Variants in TBL1XR1 observed in about 807,000 individuals in gnomAD.
TBL1XR1 encodes the protein TBL1X/Y related 1.
In TBL1XR1, 5 loss-of-function variants were observed where a neutral mutation model predicts 66.9. The ratio of observed to expected loss-of-function variants is 0.07; its 90% CI spans 0.04 to 0.16. The LOEUF (loss-of-function observed/expected upper bound fraction) is 0.16, where lower values mean the gene tolerates loss of function less well. Among genes scored for constraint, TBL1XR1 ranks in the 10% least tolerant of loss-of-function variants. TBL1XR1 has a pLI of 1.00. For missense variants in TBL1XR1, 238 were observed against 623.2 expected (o/e 0.38, Z 6.58); for synonymous variants, 210 against 206.0 (o/e 1.02, Z -0.17).
intron 2 of TBL1XR1, among the ~76,000 whole-genome samples, chr3:177,092,965 G>C (rs1019487824): frequency 2.6e-5 from 4 of 152,086 alleles, no homozygotes; most frequent in Admixed American, 6.5e-5. Flanking sequence ...GTCCTAGCCA[G>C]AGCAATCAGA....
At chr3:177,121,852 T>TAA (rs944221704) in intron 1 of TBL1XR1, among the ~76,000 whole-genome samples, 1 of 147,740 alleles carries the variant, frequency 6.8e-6, no homozygotes, top group Admixed American at 6.7e-5. Flanking sequence ...GCTAAAGATT[T>TAA]AAAAAAAAAA....
chr3:177,032,430 C>G (rs1714132399), intron 14 of TBL1XR1: 1 of 152,158 alleles, frequency 6.6e-6, no homozygotes, highest in Non-Finnish European at 1.5e-5. Context: ...AGTTCAGTGA[C>G]TGCTATTAAA....
intron 2 of TBL1XR1, among the ~76,000 whole-genome samples, chr3:177,083,553 CT>C (rs1721710966): frequency 6.6e-6 from 1 of 152,138 alleles, no homozygotes; most frequent in Admixed American, 6.5e-5. Flanking sequence ...AGGAATCTGA[CT>C]TCGAGAAATA....
intron 2 of TBL1XR1, among the ~76,000 whole-genome samples, chr3:177,069,193 T>C (rs1364083616): frequency 6.6e-6 from 1 of 152,148 alleles, no homozygotes; most frequent in Admixed American, 6.5e-5. Context: ...GAGTTGTATA[T>C]AGGAACCTTG....
intron 1 of TBL1XR1, among the ~76,000 whole-genome samples, chr3:177,128,650 A>G (rs968905660): frequency 6.6e-6 from 1 of 152,184 alleles, no homozygotes; most frequent in Non-Finnish European, 1.5e-5. Context: ...CTGGGATTAC[A>G]GGCGTGAGCC....
intron 1 of TBL1XR1, among the ~76,000 whole-genome samples, chr3:177,159,845 T>A (rs935860105): frequency 6.6e-6 from 1 of 152,218 alleles, no homozygotes; most frequent in Admixed American, 6.5e-5. Flanking sequence ...TAGTTTTGCA[T>A]CTTCATAAGG....
intron 1 of TBL1XR1, among the ~76,000 whole-genome samples, chr3:177,182,664 AG>A (rs1734969017): frequency 6.6e-6 from 1 of 152,180 alleles, no homozygotes; most frequent in African/African-American, 2.4e-5. Flanking sequence ...TAGTGAGATG[AG>A]GCAACAAATA....
At chr3:177,090,268 A>T (rs563909040) in intron 2 of TBL1XR1, among the ~76,000 whole-genome samples, 5 of 152,272 alleles carry the variant, frequency 3.3e-5, no homozygotes, top group Non-Finnish European at 7.3e-5. Context: ...TTGGTTACTT[A>T]CAAAAGGAGG....
At chr3:177,143,546 C>T (rs992018849) in intron 1 of TBL1XR1, among the ~76,000 whole-genome samples, 1 of 152,080 alleles carries the variant, frequency 6.6e-6, no homozygotes, top group African/African-American at 2.4e-5. Context: ...ATCAGCTAAC[C>T]TTTGAAATTA....
intron 1 of TBL1XR1, among the ~76,000 whole-genome samples, chr3:177,179,303 T>C (rs969653558): frequency 2.6e-5 from 4 of 152,132 alleles, no homozygotes; most frequent in Non-Finnish European, 4.4e-5. Context: ...GCTCGACTAT[T>C]GTTACCTGAT....
intron 1 of TBL1XR1, among the ~76,000 whole-genome samples, chr3:177,136,064 G>A (rs931345321): frequency 1.3e-5 from 2 of 151,988 alleles, no homozygotes; most frequent in Non-Finnish European, 2.9e-5. Context: ...CAAACTGCAG[G>A]TCACAATCAG....
chr3:177,183,471 A>G (rs1374704581), intron 1 of TBL1XR1, among the ~76,000 whole-genome samples: 1 of 152,200 alleles, frequency 6.6e-6, no homozygotes, highest in Non-Finnish European at 1.5e-5. Flanking sequence ...GTTGTCAACC[A>G]GAGCAGTGTT....
intron 1 of TBL1XR1, chr3:177,171,420 G>A (rs1380526969): frequency 6.6e-6 from 1 of 152,146 alleles, no homozygotes; most frequent in East Asian, 1.9e-4. Flanking sequence ...TGTTGGCCGG[G>A]CGCACTGGCT....
chr3:177,139,064 A>C (rs1467992610), intron 1 of TBL1XR1, among the ~76,000 whole-genome samples: 1 of 152,230 alleles, frequency 6.6e-6, no homozygotes, highest in Non-Finnish European at 1.5e-5. Context: ...CCAAAACCTA[A>C]TAGTATAAAA....
intron 1 of TBL1XR1, among the ~76,000 whole-genome samples, chr3:177,173,724 T>C (rs1733832997): frequency 6.6e-6 from 1 of 152,224 alleles, no homozygotes; most frequent in Admixed American, 6.5e-5. Context: ...ACCTATAGTT[T>C]AGTATTATAC....
intron 1 of TBL1XR1, among the ~76,000 whole-genome samples, chr3:177,101,003 G>A (rs12493303): frequency 0.064 from 9,660 of 152,050 alleles, 410 homozygotes; most frequent in South Asian, 0.17. Flanking sequence ...CTACCGGCAC[G>A]CGCCACTACA....
intron 2 of TBL1XR1, among the ~76,000 whole-genome samples, chr3:177,090,761 AG>A (rs1180948195): frequency 6.6e-6 from 1 of 152,166 alleles, no homozygotes; most frequent in Admixed American, 6.5e-5. Context: ...CAGTGAGCCA[AG>A]ATCACGCCAC....
chr3:177,031,788 A>T (rs961449075), intron 14 of TBL1XR1, among the ~76,000 whole-genome samples: 2 of 151,316 alleles, frequency 1.3e-5, no homozygotes, highest in Non-Finnish European at 3.0e-5. Flanking sequence ...AATAAATATT[A>T]AAAAATTTTA....
At chr3:177,149,258 A>G (rs1240715935) in intron 1 of TBL1XR1, among the ~76,000 whole-genome samples, 1 of 152,062 alleles carries the variant, frequency 6.6e-6, no homozygotes, top group Non-Finnish European at 1.5e-5. Context: ...AGTGTTCAGT[A>G]TCCCTGGCTT....
Sources: allele counts gnomAD v4.1 joint callset (sites outside exome capture counted in the v4.1 genomes callset), GRCh38; gene constraint gnomAD v4.1.1; transcripts MANE v1.5; gene names NCBI Gene and HGNC (gene_info 2026-07-23, HGNC 2026-07-21).